Variants in ELFN1 observed in about 807,000 individuals in gnomAD.
ELFN1 encodes protein ELFN1.
In ELFN1, 6 loss-of-function variants were observed where a neutral mutation model predicts 7.6. The observed-to-expected ratio is 0.79, with a 90% confidence interval of 0.43 to 1.56. ELFN1 has a LOEUF of 1.56. ELFN1 is among the 40% of genes most tolerant of loss of function. The probability of loss-of-function intolerance (pLI) is 0.01; values close to 1 mark genes in which losing one functional copy is unlikely to be tolerated. For missense variants in ELFN1, 1,169 were observed against 1,232.2 expected, an observed-to-expected ratio of 0.95 and a Z score of 0.77; for synonymous variants, 657 against 588.1, an observed-to-expected ratio of 1.12 and a Z score of -1.70.
At chr7:1,742,342 C>T (rs1196658067) in intron 3 of ELFN1, 1 of 152,296 alleles carries the variant, frequency 6.6e-6, no homozygotes, top group African/African-American at 2.4e-5. Flanking sequence ...AGCCGGACGC[C>T]ATCCGCCCCA....
chr7:1,702,346 C>G (rs1162095952), intron 2 of ELFN1, among the ~76,000 whole-genome samples: 1 of 151,830 alleles, frequency 6.6e-6, no homozygotes, highest in Non-Finnish European at 1.5e-5. Context: ...ATGGTGTGAA[C>G]TGGGAGGCGG....
intron 2 of ELFN1, among the ~76,000 whole-genome samples, chr7:1,706,482 C>G (rs1434321934): frequency 2.6e-5 from 4 of 152,124 alleles, no homozygotes; most frequent in African/African-American, 9.7e-5. Flanking sequence ...CCAGCAGTTC[C>G]ACATCCTTCA....
rs375425160 is a variant in ELFN1, at chr7:1,723,666, C to T, written c.-294+14414C>T. Among the ~76,000 whole-genome samples, 5 of 152,262 alleles carry T rather than the reference C, an allele frequency of 3.3e-5. No individual in the cohort carries two copies. In the South Asian group the frequency reaches 1.0e-3, roughly 32 times the overall value. On this transcript the variant is annotated intron_variant, in intron 3 of 3. Coordinates refer to ENST00000424383, the MANE Select transcript of ELFN1 (RefSeq NM_001128636.4). ...TCCAGGGCTGTGCCCCGGCCTGGGG[C>T]TTGGGCTCGTGGGCCACGAGCATCT...
intron 1 of ELFN1, among the ~76,000 whole-genome samples, chr7:1,687,107 C>T (rs114704993): frequency 2.5e-3 from 384 of 152,186 alleles, no homozygotes; most frequent in African/African-American, 8.9e-3. Flanking sequence ...GTGGGAATGA[C>T]TGCATTAACT....
chr7:1,691,675 T>C (rs539676742), intron 2 of ELFN1, among the ~76,000 whole-genome samples: 1 of 152,170 alleles, frequency 6.6e-6, no homozygotes, highest in Admixed American at 6.5e-5. Flanking sequence ...ACCGGGTAGG[T>C]CTCTGTTGGC....
At chr7:1,702,290 G>T (rs1280002406) in intron 2 of ELFN1, among the ~76,000 whole-genome samples, 2 of 152,062 alleles carry the variant, frequency 1.3e-5, no homozygotes, top group African/African-American at 4.8e-5. Flanking sequence ...CCAGCGTGAT[G>T]GCGGGTGCCT....
intron 3 of ELFN1, among the ~76,000 whole-genome samples, chr7:1,726,734 A>G (rs960063648): frequency 6.6e-6 from 1 of 152,124 alleles, no homozygotes. Flanking sequence ...CCCTGAGAAG[A>G]GGGGAGGGGC....
intron 3 of ELFN1, among the ~76,000 whole-genome samples, chr7:1,723,314 G>A (rs972064773): frequency 1.1e-4 from 17 of 152,226 alleles, no homozygotes; most frequent in African/African-American, 3.9e-4. Context: ...CCTCCACAAC[G>A]TTATCGTGAC....
At chr7:1,716,481 G>A (rs746522052) in intron 3 of ELFN1, among the ~76,000 whole-genome samples, 2 of 152,340 alleles carry the variant, frequency 1.3e-5, no homozygotes, top group Middle Eastern at 3.4e-3. Context: ...GCCGCTGGAC[G>A]TGGGCGTATG....
chr7:1,732,125 T>TGG, intron 3 of ELFN1, among the ~76,000 whole-genome samples: 1 of 152,116 alleles, frequency 6.6e-6, no homozygotes, highest in African/African-American at 2.4e-5. Context: ...CCTGGCAGCG[T>TGG]GGGGTCACAG....
At chr7:1,707,819 A>G (rs1779567617) in intron 2 of ELFN1, among the ~76,000 whole-genome samples, 1 of 152,058 alleles carries the variant, frequency 6.6e-6, no homozygotes, top group African/African-American at 2.4e-5. Flanking sequence ...CCACTCACTC[A>G]TCTATTTGCA....
chr7:1,693,827 C>T (rs1464238548), intron 2 of ELFN1: 1 of 465,906 alleles, frequency 2.1e-6, no homozygotes, highest in Admixed American at 2.4e-5. Context: ...CCAGGGACGG[C>T]TGGGCCAATC....
At chr7:1,738,027 C>T (rs1362553929) in intron 3 of ELFN1, among the ~76,000 whole-genome samples, 1 of 152,218 alleles carries the variant, frequency 6.6e-6, no homozygotes. Context: ...GCAGATGCCC[C>T]CAGGACAGCC....
chr7:1,667,302 C>G (rs1184932047), upstream of ELFN1, among the ~76,000 whole-genome samples: 3 of 152,124 alleles, frequency 2.0e-5, no homozygotes, highest in Admixed American at 6.5e-5. The surrounding 1 kb of genome is among the most constrained non-coding windows in gnomAD (Gnocchi z 8.2). Flanking sequence ...ACAATCCGCG[C>G]CCTTCCTCCC....
intron 2 of ELFN1, among the ~76,000 whole-genome samples, chr7:1,699,116 G>A (rs559340823): frequency 3.9e-4 from 60 of 152,294 alleles, no homozygotes; most frequent in African/African-American, 1.3e-3. Flanking sequence ...ATGTGATGGC[G>A]GTTCCTTCCT....
In ELFN1 at chr7:1,740,156, G is replaced by A. The variant is rs1356945731; in HGVS notation, c.-293-4148G>A. ...CCTGAGGGGTGCCCATTCCAGAGGC[G>A]CCACGGCCTCTGTGTCTCCCTGAGG... On this transcript the variant is annotated intron_variant, in intron 3 of 3. Transcript: ENST00000424383. The surrounding 1 kb of genome is among the most constrained non-coding windows in gnomAD (Gnocchi z 5.0). 2.6e-5 allele frequency among the ~76,000 whole-genome samples: 4 copies of A among 152,282 alleles called. No individual in the cohort carries two copies. Among genetic ancestry groups the A allele is most frequent in the East Asian group, 3.9e-4 (2 of 5,168 alleles).
rs1160260891 is a variant in ELFN1, at chr7:1,703,515, A to G, written c.-455-5576A>G. On this transcript the variant is annotated intron_variant, in intron 2 of 3. Coordinates refer to ENST00000424383, the MANE Select transcript of ELFN1 (RefSeq NM_001128636.4). ...CAGCTTTTTTATGGCTTAATATTTCATATTTAACTGCTTACCCCGTCTGGA... is the reference window on the plus strand; with the variant it reads ...CAGCTTTTTTATGGCTTAATATTTCGTATTTAACTGCTTACCCCGTCTGGA... Among the ~76,000 whole-genome samples, 3 of 152,166 alleles carry G rather than the reference A, an allele frequency of 2.0e-5. No individual in the cohort carries two copies. The South Asian group carries it at 6.2e-4, about 32-fold the overall frequency.
chr7:1,712,604 G>C (rs1779694357), intron 3 of ELFN1, among the ~76,000 whole-genome samples: 1 of 151,660 alleles, frequency 6.6e-6, no homozygotes, highest in African/African-American at 2.4e-5. Context: ...GCTAATTTTT[G>C]TATTTTCAGT....
rs186376309 is a variant in ELFN1, at chr7:1,745,358, G to A, written c.762G>A (p.Ser254=). 2.9e-4 allele frequency: 446 copies of A among 1,539,618 alleles called. 1 individual carries two copies. In the East Asian group the frequency reaches 3.2e-3, roughly 11 times the overall value. The change falls in exon 4 of 4, where the codon TCG becomes TCA. Residue 254 remains serine (S), a synonymous_variant. Transcript: ENST00000424383. The part of the protein sequence containing the change: ...SKLQSVCTED[S]YAAEVVGPPR... ...TGCAGTCAGTCTGCACCGAGGACTC[G>A]TACGCGGCTGAGGTGGTCGGGCCCC...
Sources: allele counts gnomAD v4.1 joint callset (sites outside exome capture counted in the v4.1 genomes callset), GRCh38; gene constraint gnomAD v4.1.1; non-coding constraint Gnocchi (gnomAD v3.1); transcripts MANE v1.5; gene names NCBI Gene and HGNC (gene_info 2026-07-23, HGNC 2026-07-21).